Variants in MORN5 observed in about 807,000 individuals in gnomAD.
MORN5 encodes MORN repeat containing 5, also known as MORN repeat-containing protein 5.
Under a neutral mutation model 22.1 loss-of-function variants are expected in MORN5, and 21 were observed. The observed-to-expected ratio is 0.95, with a 90% CI of 0.67 to 1.37. The LOEUF is 1.37. Ranked by LOEUF, MORN5 falls within the 40% of genes most tolerant of loss-of-function variation. MORN5 has a pLI of 0.00. For missense variants in MORN5, 211 were observed against 215.1 expected (o/e 0.98, Z 0.12); for synonymous variants, 73 against 74.0 (o/e 0.99, Z 0.07).
chr9:122,165,433 G>T (rs539609644), intron 1 of MORN5, among the ~76,000 whole-genome samples: 2 of 150,898 alleles, frequency 1.3e-5, no homozygotes, highest in South Asian at 4.2e-4. Context: ...AAATAAGCCA[G>T]GCGTGGTGGG....
At chr9:122,173,471 G>T (rs2118754644) in intron 3 of MORN5, among the ~76,000 whole-genome samples, 1 of 152,302 alleles carries the variant, frequency 6.6e-6, no homozygotes, top group South Asian at 2.1e-4. Context: ...CAGGGTTACG[G>T]TTAGGTATGT....
At chr9:122,187,280 T>C (rs1178125026) in intron 4 of MORN5, among the ~76,000 whole-genome samples, 4 of 152,222 alleles carry the variant, frequency 2.6e-5, no homozygotes. Context: ...CAAACTGAAG[T>C]CTGGCCTCCT....
At chr9:122,195,985 T>TATTTATTTATTTA (rs1369675409) in intron 4 of MORN5, among the ~76,000 whole-genome samples, 2 of 151,870 alleles carry the variant, frequency 1.3e-5, no homozygotes, top group African/African-American at 4.8e-5. Flanking sequence ...TTTATTTATT[T>TATTTATTTATTTA]ATTTAGAGAC....
At chr9:122,161,225 T>G (rs1012818811) in intron 1 of MORN5, among the ~76,000 whole-genome samples, 1 of 152,188 alleles carries the variant, frequency 6.6e-6, no homozygotes, top group Non-Finnish European at 1.5e-5. Context: ...TTGGTGGAAT[T>G]CCAGGGCATT....
chr9:122,164,551 T>TCTATTTC (rs1332234103), intron 1 of MORN5: 1 of 984,346 alleles, frequency 1.0e-6, no homozygotes, highest in Non-Finnish European at 1.2e-6. Flanking sequence ...AATAGAGAAC[T>TCTATTTC]CTAAGGAGGT....
Position 122,181,063 on chromosome 9 carries a change from A to G in MORN5, c.439+6436A>G, listed in dbSNP as rs545643086. Among the ~76,000 whole-genome samples the G allele has an allele frequency of 2.6e-5, 4 of 152,384 alleles. No homozygotes were observed. In the South Asian group the frequency reaches 8.3e-4, roughly 32 times the overall value. ...AGACAACTTATGATTTTGAATAATA[A>G]AAACAATCCATTATATTTTTATGCA... On this transcript the variant is annotated intron_variant, in intron 4 of 4. Coordinates refer to ENST00000373764, the MANE Select transcript of MORN5 (RefSeq NM_198469.4).
intron 3 of MORN5, among the ~76,000 whole-genome samples, chr9:122,173,314 G>A (rs962992936): frequency 6.6e-6 from 1 of 152,210 alleles, no homozygotes; most frequent in South Asian, 2.1e-4. Flanking sequence ...GGTTAAAAGT[G>A]CCCCGCGACC....
At chr9:122,187,749 T>C (rs546615524) in intron 4 of MORN5, among the ~76,000 whole-genome samples, 2 of 152,310 alleles carry the variant, frequency 1.3e-5, no homozygotes, top group South Asian at 4.1e-4. Flanking sequence ...ATGTTTAATT[T>C]TAAATATCAA....
intron 4 of MORN5, among the ~76,000 whole-genome samples, chr9:122,188,823 G>A (rs1340523421): frequency 2.0e-5 from 3 of 152,216 alleles, no homozygotes; most frequent in African/African-American, 4.8e-5. Flanking sequence ...GTGAATGTGA[G>A]GACACTGCAT....
chr9:122,174,036 C>T (rs777602085), intron 3 of MORN5, among the ~76,000 whole-genome samples: 1 of 152,222 alleles, frequency 6.6e-6, no homozygotes, highest in Non-Finnish European at 1.5e-5. Flanking sequence ...CATTTCTTTT[C>T]TGCTGTTCTC....
At chr9:122,193,543 C>T (rs1829821392) in intron 4 of MORN5, among the ~76,000 whole-genome samples, 2 of 152,352 alleles carry the variant, frequency 1.3e-5, no homozygotes, top group South Asian at 4.1e-4. Context: ...CAAGATTGCG[C>T]CACTGCACTC....
chr9:122,165,476 G>A (rs1451785150), intron 1 of MORN5, among the ~76,000 whole-genome samples: 1 of 151,948 alleles, frequency 6.6e-6, no homozygotes, highest in African/African-American at 2.4e-5. Flanking sequence ...TTGGGAGGCT[G>A]AGGTGGGAGG....
At chr9:122,196,270 T>C (rs1476853138) in intron 4 of MORN5, among the ~76,000 whole-genome samples, 1 of 151,886 alleles carries the variant, frequency 6.6e-6, no homozygotes, top group Non-Finnish European at 1.5e-5. Context: ...AAATATCTTA[T>C]TTCAATTAAC....
At position 122,197,528 on chromosome 9, in the gene MORN5, G is replaced by A. The variant is rs545049855; in HGVS notation, c.440-2357G>A. On this transcript the variant is annotated intron_variant, in intron 4 of 4. Transcript: ENST00000373764. This position sits in a 1 kb window ranked among gnomAD's most constrained non-coding sequence, Gnocchi z 5.7. ...AGCCGCAGAGAGGCGCAGGGGAGGC[G>A]GAGGGAGGGGTTGGTGAGCAGCTGC... Among the ~76,000 whole-genome samples, 27 of 152,174 alleles carry A rather than the reference G, an allele frequency of 1.8e-4. No individual in the cohort carries two copies. Among genetic ancestry groups the A allele is most frequent in the Admixed American group, 3.9e-4 (6 of 15,290 alleles).
intron 2 of MORN5, among the ~76,000 whole-genome samples, chr9:122,168,975 G>C (rs1360938075): frequency 6.6e-6 from 1 of 152,126 alleles, no homozygotes; most frequent in Non-Finnish European, 1.5e-5. Context: ...GATCAATGGT[G>C]TAAGTCCCAG....
chr9:122,167,006 C>A, intron 2 of MORN5, 91 bp downstream of exon 2: 1 of 1,290,346 alleles, frequency 7.7e-7, no homozygotes, highest in Non-Finnish European at 1.1e-6. Context: ...CTGTCTGGTG[C>A]CCACCTTGTT....
At chr9:122,162,925 A>G (rs900760638) in intron 1 of MORN5, among the ~76,000 whole-genome samples, 1 of 152,184 alleles carries the variant, frequency 6.6e-6, no homozygotes, top group Non-Finnish European at 1.5e-5. Flanking sequence ...GGTGATGTCA[A>G]AACGTGTCAA....
intron 1 of MORN5, 82 bp downstream of exon 1, chr9:122,160,101 C>T (rs562873531): frequency 2.3e-6 from 3 of 1,310,618 alleles, no homozygotes; most frequent in East Asian, 4.6e-5. Context: ...TGCGAAACAC[C>T]TTGTGCCAGG....
chr9:122,174,575 C>G lies in MORN5; in HGVS notation c.387C>G (p.Asn129Lys). 3 of 1,614,074 alleles carry G rather than the reference C, an allele frequency of 1.9e-6. No homozygotes were observed. The highest frequency in any genetic ancestry group is 2.2e-5 in the South Asian group (2 of 91,066). The change falls in exon 4 of 5, where the codon AAC becomes AAG. Residue 129 changes from asparagine to lysine, a missense_variant. Coordinates refer to ENST00000373764, the MANE Select transcript of MORN5 (RefSeq NM_198469.4). ...GYYDCGDGFY[N>K]PVTRVVKDYR... ...ACGATTGTGGAGACGGCTTCTATAA[C>G]CCAGTCACGAGGGTAGTCAAGGACT... is the stretch of plus-strand genomic sequence containing the variant.
Sources: allele counts gnomAD v4.1 joint callset (sites outside exome capture counted in the v4.1 genomes callset), GRCh38; gene constraint gnomAD v4.1.1; non-coding constraint Gnocchi (gnomAD v3.1); transcripts MANE v1.5; gene names NCBI Gene and HGNC (gene_info 2026-07-23, HGNC 2026-07-21).